The following ZNF587 variants were observed in gnomAD, a reference collection of about 807,000 sequenced individuals.
ZNF587 encodes zinc finger protein zfp6.
Under a neutral mutation model 7.5 loss-of-function variants are expected in ZNF587, and 8 were observed. The observed-to-expected ratio is 1.06, with a 90% CI of 0.62 to 1.92. The LOEUF is 1.92. Among genes scored for constraint, ZNF587 ranks in the 40% most tolerant of loss-of-function variants. ZNF587 has a pLI of 0.00. For missense variants in ZNF587, 468 were observed against 692.8 expected (o/e 0.68, Z 3.64); for synonymous variants, 145 against 237.8 (o/e 0.61, Z 3.59).
intron 1 of ZNF587, chr19:57,855,879 T>G (rs1568506830): frequency 4.3e-6 from 3 of 693,398 alleles, no homozygotes; most frequent in Non-Finnish European, 4.5e-6. Flanking sequence ...AGTGGACCTT[T>G]TTATGTCAGG....
intron 1 of ZNF587, chr19:57,851,438 G>A (rs1181484398): frequency 6.6e-6 from 1 of 152,242 alleles, no homozygotes; most frequent in Non-Finnish European, 1.5e-5. Context: ...TGAAAGGTTG[G>A]AAGCAAGATG....
At chr19:57,852,960 C>A (rs1600118791) in intron 1 of ZNF587, among the ~76,000 whole-genome samples, 1 of 138,036 alleles carries the variant, frequency 7.2e-6, no homozygotes, top group East Asian at 2.3e-4. Flanking sequence ...TCAAGTGATT[C>A]TCCTGCCTCA....
In ZNF587 at chr19:57,860,061, G is replaced by C. The variant is rs147988043; in HGVS notation, c.1649G>C (p.Cys550Ser). Residue 550 changes from cysteine to serine, a missense_variant, in exon 3 of 3, where the codon TGC (cysteine) becomes TCC (serine). Physicochemically the swap from Cys to Ser is moderately radical, Grantham distance 112 (BLOSUM62 -1). Coordinates refer to ENST00000339656, the MANE Select transcript of ZNF587 (RefSeq NM_032828.4). The part of the protein sequence containing the change: ...RIHTGERPYE[C>S]TKCGKTFQRS... Reference sequence around the variant, plus strand: ...CACACTGGAGAAAGGCCTTATGAATGCACCAAATGTGGAAAAACATTTCAG... The same window carrying C: ...CACACTGGAGAAAGGCCTTATGAATCCACCAAATGTGGAAAAACATTTCAG... 7.4e-5 allele frequency: 119 copies of C among 1,613,514 alleles called. No individual in the cohort carries two copies. In the African/African-American group the frequency reaches 1.5e-3, roughly 21 times the overall value.
chr19:57,863,198 C>T lies in ZNF587; in HGVS notation c.*3058C>T, dbSNP rs2071458806. 2 of 152,232 alleles carry T rather than the reference C, an allele frequency of 1.3e-5. No homozygotes were observed. The highest frequency in any genetic ancestry group is 4.8e-5 in the African/African-American group (2 of 41,452). The allele number at this position is 152,232 out of a possible 1,614,324, so 9.4% of individuals were successfully genotyped here. ...GTGTCGCAATCTCAGCTCACTGCAA[C>T]TTCTACCTCCTGGATTCAAGCACTT... is the stretch of plus-strand genomic sequence containing the variant. On this transcript the variant is annotated 3_prime_UTR_variant, in exon 3 of 3. Transcript: ENST00000339656.
At chr19:57,856,564 C>A (rs568325237) in intron 2 of ZNF587, among the ~76,000 whole-genome samples, 1 of 151,944 alleles carries the variant, frequency 6.6e-6, no homozygotes, top group Non-Finnish European at 1.5e-5. Flanking sequence ...ACTACCACCA[C>A]GCCTGGCTAA....
In ZNF587 at chr19:57,861,998, T is replaced by C. The variant is rs569770992; in HGVS notation, c.*1858T>C. The stretch of plus-strand genomic sequence containing the variant: ...CATGTTACCCAGGCTGCTCTCTACC[T>C]TCTGAGCTCAAGTGATCCACCTGCC... On this transcript the variant is annotated 3_prime_UTR_variant, in exon 3 of 3. Transcript: ENST00000339656. 2.6e-5 allele frequency: 4 copies of C among 152,274 alleles called. No individual in the cohort carries two copies. The highest frequency in any genetic ancestry group is 7.2e-5 in the African/African-American group (3 of 41,532). The allele number at this position is 152,274 out of a possible 1,614,324, so 9.4% of individuals were successfully genotyped here. A position where few individuals can be genotyped will look rare whatever the true frequency, so the allele number is the denominator to read the frequency against.
chr19:57,862,308 A>G lies in ZNF587; in HGVS notation c.*2168A>G, dbSNP rs1338597537. On this transcript the variant is annotated 3_prime_UTR_variant, in exon 3 of 3. Transcript: ENST00000339656. ...AAAGGATACACACTTTGTAGAAACA[A>G]GAACTTTATGTTATCCAAGTTCTAG... 6.6e-6 allele frequency: 1 copy of G among 152,228 alleles called. No individual in the cohort carries two copies. Among genetic ancestry groups the G allele is most frequent in the Admixed American group, 6.5e-5 (1 of 15,276 alleles). The allele number at this position is 152,228 out of a possible 1,614,324, so 9.4% of individuals were successfully genotyped here.
Position 57,860,310 on chromosome 19 carries a change from C to A in ZNF587, c.*170C>A. The A allele has an allele frequency of 1.5e-6, 2 of 1,351,664 alleles. No individual in the cohort carries two copies. The highest frequency in any genetic ancestry group is 2.0e-6 in the Non-Finnish European group (2 of 982,010). 83.7% of individuals were successfully genotyped at this position (1,351,664 alleles called of 1,614,324 possible). Reference sequence around the variant, plus strand: ...TTGAGATGGAGTCTTGTTCTGTCACCCAGGCTGGAGTGCAGTGGTGCAGTC... The same window carrying A: ...TTGAGATGGAGTCTTGTTCTGTCACACAGGCTGGAGTGCAGTGGTGCAGTC... On this transcript the variant is annotated 3_prime_UTR_variant, in exon 3 of 3. Transcript: ENST00000339656.
Position 57,859,980 on chromosome 19 carries a change from G to A in ZNF587, c.1568G>A (p.Ser523Asn), listed in dbSNP as rs1260927119. ...VHSGQKPYKC[S>N]ECGKSFSECS... Reference sequence around the variant, plus strand: ...TCTGGACAAAAGCCTTATAAGTGCAGTGAATGTGGAAAATCCTTTTCTGAA... The same window carrying A: ...TCTGGACAAAAGCCTTATAAGTGCAATGAATGTGGAAAATCCTTTTCTGAA... Residue 523 changes from serine to asparagine, a missense_variant, in exon 3 of 3, where the codon AGT (serine) becomes AAT (asparagine). This residue lies in a region of ZNF587 where 310 missense variants were observed against 325.6 expected (regional missense o/e 0.95). Transcript: ENST00000339656. 8 of 1,614,114 alleles carry A rather than the reference G, an allele frequency of 5.0e-6. No homozygotes were observed. Among genetic ancestry groups the A allele is most frequent in the Non-Finnish European group, 6.8e-6 (8 of 1,180,000 alleles).
At chr19:57,853,683 C>T (rs914938339) in intron 1 of ZNF587, 1 of 151,470 alleles carries the variant, frequency 6.6e-6, no homozygotes, top group Non-Finnish European at 1.5e-5. Flanking sequence ...GAGATAGATG[C>T]ATGCAGAAGC....
rs771669074 is a variant in ZNF587 at position 57,850,069 on chromosome 19, CA to C, written c.32del (p.Gln11ArgfsTer5). The C allele has an allele frequency of 1.2e-6, 2 of 1,614,276 alleles. No homozygotes were observed. The highest frequency in any genetic ancestry group is 1.7e-6 in the Non-Finnish European group (2 of 1,180,052). On this transcript the variant is annotated frameshift_variant and splice_region_variant, in exon 1 of 3. Transcript: ENST00000339656. LOFTEE classifies it high-confidence loss of function. ...AGCGGCTGTGCCGAGGCGCCCAACT[CA>C]GGTAATTGTGGTGCCTTCTGTGCCC... MAAAVPRRPTQQGTVTFEDVA... is the reference protein window; with the variant it reads MAAAVPRRPTXQGTVTFEDVA...
In ZNF587 at chr19:57,859,567, T is replaced by G. The variant is rs1278323444; in HGVS notation, c.1155T>G (p.Cys385Trp). The part of the protein sequence containing the change: ...TGERPYKCGE[C>W]GKSFGQKGNL... Reference sequence around the variant, plus strand: ...AAAGGCCTTACAAGTGTGGAGAATGTGGGAAATCTTTTGGTCAAAAGGGCA... The same window carrying G: ...AAAGGCCTTACAAGTGTGGAGAATGGGGGAAATCTTTTGGTCAAAAGGGCA... Residue 385 changes from cysteine (C) to tryptophan (W), a missense_variant, in exon 3 of 3, where the codon TGT becomes TGG. Physicochemically the swap from Cys to Trp is radical, Grantham distance 215. Coordinates refer to ENST00000339656, the MANE Select transcript of ZNF587 (RefSeq NM_032828.4). The G allele has an allele frequency of 6.2e-7, 1 of 1,613,940 alleles. No individual in the cohort carries two copies. Among genetic ancestry groups the G allele is most frequent in the Admixed American group, 1.7e-5 (1 of 59,984 alleles).
At chr19:57,854,898 C>T (rs1487514987) in intron 1 of ZNF587, among the ~76,000 whole-genome samples, 1 of 150,930 alleles carries the variant, frequency 6.6e-6, no homozygotes, top group African/African-American at 2.4e-5. Context: ...AAATACAGGC[C>T]AGGCATGGTG....
At chr19:57,853,180 T>C (rs1459240725) in intron 1 of ZNF587, among the ~76,000 whole-genome samples, 1 of 152,144 alleles carries the variant, frequency 6.6e-6, no homozygotes, top group Non-Finnish European at 1.5e-5. Context: ...ATGTGGATGA[T>C]AGGAGCATGA....
chr19:57,855,350 A>G (rs2071338440), intron 1 of ZNF587, among the ~76,000 whole-genome samples: 1 of 152,076 alleles, frequency 6.6e-6, no homozygotes, highest in Non-Finnish European at 1.5e-5. Flanking sequence ...GTCTCAAAAA[A>G]ATCCCCCAAA....
At chr19:57,855,562 T>TTTG (rs1444303691) in intron 1 of ZNF587, among the ~76,000 whole-genome samples, 1 of 147,514 alleles carries the variant, frequency 6.8e-6, no homozygotes, top group Non-Finnish European at 1.5e-5. Context: ...GTGGGCTTTT[T>TTTG]TTGTTTTTTT....
chr19:57,856,476 C>T (rs1278924501), intron 2 of ZNF587, among the ~76,000 whole-genome samples: 1 of 151,290 alleles, frequency 6.6e-6, no homozygotes, highest in Non-Finnish European at 1.5e-5. Context: ...GGCGCCATCT[C>T]GGCTCACTGC....
At chr19:57,856,744 T>G (rs1260821894) in intron 2 of ZNF587, among the ~76,000 whole-genome samples, 4 of 152,042 alleles carry the variant, frequency 2.6e-5, no homozygotes, top group Non-Finnish European at 5.9e-5. Context: ...AACACCTGCT[T>G]TGCTCCAGGC....
chr19:57,850,118 A>G (rs1173812180), intron 1 of ZNF587, 47 bp downstream of exon 1: 1 of 1,614,084 alleles, frequency 6.2e-7, no homozygotes, highest in Non-Finnish European at 8.5e-7. Flanking sequence ...ATCGTCACCC[A>G]GGTCCTAAAC....
Sources: allele counts gnomAD v4.1 joint callset (sites outside exome capture counted in the v4.1 genomes callset), GRCh38; gene constraint gnomAD v4.1.1; regional missense constraint gnomAD v4.1.1; transcripts MANE v1.5; gene names NCBI Gene and HGNC (gene_info 2026-07-23, HGNC 2026-07-21).